ANKRD44: variants seen among roughly 807,000 people sequenced by gnomAD.
ANKRD44 encodes ankyrin repeat domain 44, also known as serine/threonine-protein phosphatase 6 regulatory ankyrin repeat subunit B.
A neutral mutation model predicts 116.0 loss-of-function variants in ANKRD44; 35 were observed. That is an observed-to-expected ratio of 0.30 (90% confidence interval 0.23 to 0.40). The LOEUF (loss-of-function observed/expected upper bound fraction) is 0.40. Among genes scored for constraint, ANKRD44 ranks in the 10% least tolerant of loss-of-function variants. The pLI is 1.00. For missense variants in ANKRD44, 1,014 were observed against 1,242.6 expected (o/e 0.82, Z 2.77); for synonymous variants, 435 against 461.8 (o/e 0.94, Z 0.74).
At chr2:197,018,874 C>T (rs1221994118) in intron 17 of ANKRD44, among the ~76,000 whole-genome samples, 3 of 152,108 alleles carry the variant, frequency 2.0e-5, no homozygotes, top group Non-Finnish European at 4.4e-5. Flanking sequence ...AAATCCCAAA[C>T]ATCTTTTCTT....
intron 17 of ANKRD44, chr2:197,015,871 G>T: frequency 1.9e-6 from 1 of 517,990 alleles, no homozygotes; most frequent in South Asian, 1.6e-5. Context: ...GAACAATAAT[G>T]ATTCTGGAAA....
At chr2:197,097,214 T>C (rs1262820489) in intron 10 of ANKRD44, among the ~76,000 whole-genome samples, 1 of 152,212 alleles carries the variant, frequency 6.6e-6, no homozygotes, top group Non-Finnish European at 1.5e-5. Flanking sequence ...GTCCAGCTTA[T>C]TTTTATTCCT....
intron 16 of ANKRD44, among the ~76,000 whole-genome samples, chr2:197,055,298 C>T (rs1321962598): frequency 2.6e-5 from 4 of 151,948 alleles, no homozygotes; most frequent in African/African-American, 9.7e-5. Flanking sequence ...CTATTTTTTT[C>T]TTATTGGCTT....
At chr2:197,110,465 CA>C (rs1277778174) in intron 9 of ANKRD44, among the ~76,000 whole-genome samples, 1 of 152,162 alleles carries the variant, frequency 6.6e-6, no homozygotes, top group African/African-American at 2.4e-5. Flanking sequence ...TTATTAGTTT[CA>C]GAGTGAGATG....
intron 2 of ANKRD44, among the ~76,000 whole-genome samples, chr2:197,147,511 A>G (rs2079535599): frequency 6.6e-6 from 1 of 152,046 alleles, no homozygotes; most frequent in Non-Finnish European, 1.5e-5. Context: ...AAGGAAACAT[A>G]GTGGAATGGT....
chr2:197,022,592 G>T (rs1185779049), intron 17 of ANKRD44, among the ~76,000 whole-genome samples: 1 of 152,172 alleles, frequency 6.6e-6, no homozygotes, highest in Non-Finnish European at 1.5e-5. Context: ...TCTGTGGACA[G>T]TTCATGAGTT....
intron 1 of ANKRD44, among the ~76,000 whole-genome samples, chr2:197,192,942 T>A (rs2080859217): frequency 6.6e-6 from 1 of 152,228 alleles, no homozygotes; most frequent in Non-Finnish European, 1.5e-5. Context: ...AAATGTCTCC[T>A]ACAGGCTATG....
intron 9 of ANKRD44, among the ~76,000 whole-genome samples, chr2:197,102,455 C>A (rs2078316431): frequency 6.6e-6 from 1 of 152,126 alleles, no homozygotes; most frequent in African/African-American, 2.4e-5. Flanking sequence ...AGGCACTTTT[C>A]CTTATAGCCT....
chr2:197,279,636 C>G (rs2083207321), intron 1 of ANKRD44, among the ~76,000 whole-genome samples: 1 of 152,148 alleles, frequency 6.6e-6, no homozygotes, highest in African/African-American at 2.4e-5. Context: ...CCCTTGCTGA[C>G]CTCTGCTCCC....
At chr2:197,177,575 C>T (rs917077731) in intron 2 of ANKRD44, among the ~76,000 whole-genome samples, 3 of 151,786 alleles carry the variant, frequency 2.0e-5, no homozygotes, top group Non-Finnish European at 4.4e-5. Flanking sequence ...TTTGCTTTCT[C>T]GTGAGTTTGT....
chr2:197,060,648 A>G (rs2077291963), intron 16 of ANKRD44, among the ~76,000 whole-genome samples: 1 of 152,184 alleles, frequency 6.6e-6, no homozygotes, highest in Admixed American at 6.6e-5. Flanking sequence ...CATTCTGCAA[A>G]CGGAAACTTC....
At chr2:197,222,687 G>A (rs559714620) in intron 1 of ANKRD44, among the ~76,000 whole-genome samples, 3 of 152,056 alleles carry the variant, frequency 2.0e-5, no homozygotes, top group Non-Finnish European at 2.9e-5. Flanking sequence ...TAGGCAATCC[G>A]ATCACTTCAT....
intron 23 of ANKRD44, 69 bp from the exon 24 acceptor site, chr2:196,999,121 A>G: frequency 6.4e-7 from 1 of 1,567,074 alleles, no homozygotes; most frequent in Admixed American, 1.8e-5. Flanking sequence ...CTGCCCAAGA[A>G]ACATGCACAA....
At chr2:197,083,036 T>C (rs2077833135) in intron 14 of ANKRD44, among the ~76,000 whole-genome samples, 1 of 152,202 alleles carries the variant, frequency 6.6e-6, no homozygotes, top group Admixed American at 6.5e-5. Flanking sequence ...AATGTAAGTT[T>C]TATAGCAAAT....
chr2:196,994,249 C>A (rs1191732877), intron 26 of ANKRD44, among the ~76,000 whole-genome samples: 1 of 152,102 alleles, frequency 6.6e-6, no homozygotes, highest in Non-Finnish European at 1.5e-5. Context: ...GTGGCACGAT[C>A]ACAGCTCACT....
At chr2:196,971,971 C>G (rs2075719098) in intron 21 of ANKRD44, among the ~76,000 whole-genome samples, 1 of 152,300 alleles carries the variant, frequency 6.6e-6, no homozygotes, top group Non-Finnish European at 1.5e-5. Flanking sequence ...TTGAGGGAAG[C>G]CTGCGCCACC....
chr2:197,128,612 C>A (rs2579392), intron 4 of ANKRD44, among the ~76,000 whole-genome samples: 97,031 of 152,098 alleles, frequency 0.64, 34,313 homozygotes, highest in East Asian at 0.95. Context: ...ATGATAGTTT[C>A]TTTTGCTGTC....
chr2:197,175,431 A>C (rs1480799972), intron 2 of ANKRD44, among the ~76,000 whole-genome samples: 1 of 152,206 alleles, frequency 6.6e-6, no homozygotes, highest in Non-Finnish European at 1.5e-5. Flanking sequence ...CATATATGAA[A>C]AGCAAGTGAG....
At chr2:197,010,570 GGGCTGGGAAGCAA>G (rs1446589942) in intron 18 of ANKRD44, among the ~76,000 whole-genome samples, 4 of 152,204 alleles carry the variant, frequency 2.6e-5, no homozygotes, top group African/African-American at 9.7e-5. Flanking sequence ...GGTCCCACAG[GGGCTGGGAAGCAA>G]ACCTGTGATG....
Sources: allele counts gnomAD v4.1 joint callset (sites outside exome capture counted in the v4.1 genomes callset), GRCh38; gene constraint gnomAD v4.1.1; transcripts MANE v1.5; gene names NCBI Gene and HGNC (gene_info 2026-07-23, HGNC 2026-07-21).